MARCHF7: variants seen among roughly 807,000 people sequenced by gnomAD.
The protein encoded by MARCHF7 is E3 ubiquitin-protein ligase MARCHF7.
Under a neutral mutation model 76.5 loss-of-function variants are expected in MARCHF7, and 20 were observed. The observed-to-expected ratio is 0.26, with a 90% CI of 0.18 to 0.38. The LOEUF is 0.38. Ranked by LOEUF, MARCHF7 falls within the 10% of genes least tolerant of loss-of-function variation. MARCHF7 has a pLI of 1.00. For synonymous variants in MARCHF7, 295 were observed against 293.0 expected, an observed-to-expected ratio of 1.01 and a Z score of -0.07; for missense variants, 797 against 812.9, an observed-to-expected ratio of 0.98 and a Z score of 0.24.
intron 9 of MARCHF7, among the ~76,000 whole-genome samples, 177 bp downstream of exon 9, chr2:159,759,512 TTTTTA>T (rs956216676): frequency 7.2e-5 from 11 of 152,286 alleles, no homozygotes; most frequent in African/African-American, 2.6e-4. Flanking sequence ...AATTTTTTTT[TTTTTA>T]TTTTTCCCTT....
At position 159,723,570 on chromosome 2, in the gene MARCHF7, A is replaced by G. The variant is rs188231218; in HGVS notation, c.-14-5439A>G. 1.2e-4 allele frequency among the ~76,000 whole-genome samples: 19 copies of G among 152,170 alleles called. No homozygotes were observed. The East Asian group carries it at 3.7e-3, about 29-fold the overall frequency. ...TAGCTATTTCTTTTAGGACTTACAT[A>G]CTTTCATTTTTCTAAACAGTGTGCT... On this transcript the variant is annotated intron_variant, in intron 3 of 11. Transcript: ENST00000409175.
intron 9 of MARCHF7, among the ~76,000 whole-genome samples, chr2:159,760,957 G>T (rs13401087): frequency 6.6e-6 from 1 of 151,546 alleles, no homozygotes; most frequent in Non-Finnish European, 1.5e-5. Flanking sequence ...CTGATTTTAA[G>T]TGATTAGTTT....
At chr2:159,721,897 G>A (rs564480597) in intron 3 of MARCHF7, among the ~76,000 whole-genome samples, 1 of 152,222 alleles carries the variant, frequency 6.6e-6, no homozygotes, top group East Asian at 1.9e-4. Flanking sequence ...TACAAAATCA[G>A]CCCTGGTGAT....
At position 159,769,009 on chromosome 2, in the gene MARCHF7, C is replaced by T. The variant is rs1708045705; in HGVS notation, c.*1667C>T. The T allele has an allele frequency of 6.6e-6, 1 of 152,076 alleles. No homozygotes were observed. 9.4% of individuals were successfully genotyped at this position (152,076 alleles called of 1,614,324 possible). ...CAGTATTCTTGTAGTTCCCTAGTAC[C>T]ACTTAGTATTTAAATATTGTCATAT... On this transcript the variant is annotated 3_prime_UTR_variant, in exon 12 of 12. Coordinates refer to ENST00000409175, the MANE Select transcript of MARCHF7 (RefSeq NM_001282805.2).
intron 3 of MARCHF7, among the ~76,000 whole-genome samples, chr2:159,728,029 A>G (rs899383477): frequency 1.3e-5 from 2 of 152,230 alleles, no homozygotes; most frequent in African/African-American, 4.8e-5. Context: ...CTGTATGTGT[A>G]GTTTTATAGA....
At chr2:159,765,909 T>C (rs1278767064) in intron 11 of MARCHF7, among the ~76,000 whole-genome samples, 2 of 152,166 alleles carry the variant, frequency 1.3e-5, no homozygotes, top group Non-Finnish European at 2.9e-5. Context: ...GGTCTCTTCT[T>C]TGTTTTTTTA....
Position 159,746,679 on chromosome 2 carries a change from G to A in MARCHF7, c.514+742G>A, listed in dbSNP as rs535506439. ...GCCTCCCAAAGTGTTGAGATTACAG[G>A]TATGAGCCACTGCACACAGCCACAC... On this transcript the variant is annotated intron_variant, in intron 6 of 11. Transcript: ENST00000409175. Among the ~76,000 whole-genome samples, 13 of 152,236 alleles carry A rather than the reference G, an allele frequency of 8.5e-5. No individual in the cohort carries two copies. The East Asian group carries it at 2.3e-3, about 27-fold the overall frequency.
chr2:159,758,459 CAG>C (rs1287736420), intron 8 of MARCHF7, among the ~76,000 whole-genome samples: 1 of 152,194 alleles, frequency 6.6e-6, no homozygotes. Flanking sequence ...TCATTCCAGA[CAG>C]AAACGCTAAC....
Position 159,769,002 on chromosome 2 carries a change from C to G in MARCHF7, c.*1660C>G, listed in dbSNP as rs1039167749. 6.6e-6 allele frequency: 1 copy of G among 152,052 alleles called. No individual in the cohort carries two copies. Among genetic ancestry groups the G allele is most frequent in the African/African-American group, 2.4e-5 (1 of 41,400 alleles). The allele number at this position is 152,052 out of a possible 1,614,324, so 9.4% of individuals were successfully genotyped here. A position where few individuals can be genotyped will look rare whatever the true frequency, so the allele number is the denominator to read the frequency against. ...AGCTTTACAGTATTCTTGTAGTTCCCTAGTACCACTTAGTATTTAAATATT... is the reference window on the plus strand; with the variant it reads ...AGCTTTACAGTATTCTTGTAGTTCCGTAGTACCACTTAGTATTTAAATATT... On this transcript the variant is annotated 3_prime_UTR_variant, in exon 12 of 12. Coordinates refer to ENST00000409175, the MANE Select transcript of MARCHF7 (RefSeq NM_001282805.2).
Position 159,714,568 on chromosome 2 carries a change from T to G in MARCHF7, c.-131T>G, listed in dbSNP as rs920752543. 1.3e-5 allele frequency: 2 copies of G among 152,206 alleles called. No individual in the cohort carries two copies. The highest frequency in any genetic ancestry group is 4.8e-5 in the African/African-American group (2 of 41,442). 9.4% of individuals were successfully genotyped at this position (152,206 alleles called of 1,614,324 possible). A position where few individuals can be genotyped will look rare whatever the true frequency, so the allele number is the denominator to read the frequency against. On this transcript the variant is annotated 5_prime_UTR_variant, in exon 2 of 12. It adds an upstream start codon to the 5' untranslated region. Coordinates refer to ENST00000409175, the MANE Select transcript of MARCHF7 (RefSeq NM_001282805.2). ...ATGGTTTGTTTTAGGAATTCATGAT[T>G]TGTTCCTGTAGCTGAAACATACATT...
chr2:159,756,687 CAAAAAAAAAAA>C (rs869261420), intron 8 of MARCHF7, among the ~76,000 whole-genome samples: 4 of 64,212 alleles, frequency 6.2e-5, no homozygotes, highest in South Asian at 8.3e-4. Flanking sequence ...CACTCAGTCT[CAAAAAAAAAAA>C]AAAAAAAAAA....
chr2:159,731,288 T>C (rs1484623183), intron 4 of MARCHF7, among the ~76,000 whole-genome samples: 1 of 152,226 alleles, frequency 6.6e-6, no homozygotes, highest in African/African-American at 2.4e-5. Context: ...TGATAAATAC[T>C]ATATAAATGT....
At chr2:159,724,238 T>C (rs1031303327) in intron 3 of MARCHF7, among the ~76,000 whole-genome samples, 3 of 152,250 alleles carry the variant, frequency 2.0e-5, no homozygotes, top group Non-Finnish European at 4.4e-5. Flanking sequence ...GCTGTTAAGC[T>C]GTTCTGATTA....
At chr2:159,737,193 T>G (rs1703560036) in intron 4 of MARCHF7, among the ~76,000 whole-genome samples, 1 of 152,142 alleles carries the variant, frequency 6.6e-6, no homozygotes, top group African/African-American at 2.4e-5. Flanking sequence ...TCATAAAAAT[T>G]AAAATTTGTG....
chr2:159,729,730 A>G (rs558259980), intron 4 of MARCHF7, among the ~76,000 whole-genome samples: 1 of 152,086 alleles, frequency 6.6e-6, no homozygotes, highest in South Asian at 2.1e-4. Context: ...AAACATAAGT[A>G]TAAATTTAAC....
intron 3 of MARCHF7, among the ~76,000 whole-genome samples, chr2:159,720,655 T>G (rs1054648143): frequency 6.6e-6 from 1 of 152,200 alleles, no homozygotes; most frequent in Non-Finnish European, 1.5e-5. Flanking sequence ...GAAAAAATAC[T>G]TGTAGAAATA....
Position 159,767,556 on chromosome 2 carries a change from T to C in MARCHF7, c.*214T>C, listed in dbSNP as rs1707944445. 2.4e-6 allele frequency: 1 copy of C among 415,652 alleles called. No homozygotes were observed. Among genetic ancestry groups the C allele is most frequent in the Non-Finnish European group, 4.3e-6 (1 of 234,718 alleles). The allele number at this position is 415,652 out of a possible 1,614,324, so 25.7% of individuals were successfully genotyped here. A position where few individuals can be genotyped will look rare whatever the true frequency, so the allele number is the denominator to read the frequency against. ...GGACTTTTTAACATAGCAAATCCGA[T>C]GTTTATAAACTGGTAATCAAAAAGG... On this transcript the variant is annotated 3_prime_UTR_variant, in exon 12 of 12. Coordinates refer to ENST00000409175, the MANE Select transcript of MARCHF7 (RefSeq NM_001282805.2).
In MARCHF7 at chr2:159,769,197, A is replaced by G. The variant is rs978829942; in HGVS notation, c.*1855A>G. On this transcript the variant is annotated 3_prime_UTR_variant, in exon 12 of 12. Coordinates refer to ENST00000409175, the MANE Select transcript of MARCHF7 (RefSeq NM_001282805.2). ...AAAATGTTATTCTGAATATCTGCCA[A>G]AGAATTATATTGTTATTACTAGCTA... The G allele has an allele frequency of 7.2e-5, 11 of 152,230 alleles. No individual in the cohort carries two copies. The highest frequency in any genetic ancestry group is 1.4e-4 in the African/African-American group (6 of 41,458). The allele number at this position is 152,230 out of a possible 1,614,324, so 9.4% of individuals were successfully genotyped here.
rs1311588891 is a variant in MARCHF7, at chr2:159,744,009, A to C, written c.346+756A>C. On this transcript the variant is annotated intron_variant, in intron 5 of 11. Coordinates refer to ENST00000409175, the MANE Select transcript of MARCHF7 (RefSeq NM_001282805.2). The stretch of plus-strand genomic sequence containing the variant: ...TTTTTTTTTTTTTTTTTTTTTGGAG[A>C]CGGAGTCTCGCTCTGTCGCCCAGGC... Among the ~76,000 whole-genome samples the C allele has an allele frequency of 2.1e-4, 12 of 56,220 alleles. No individual in the cohort carries two copies. The East Asian group carries it at 3.2e-3, about 15-fold the overall frequency. 36.9% of individuals were successfully genotyped at this position (56,220 alleles called of 152,430 possible). A position where few individuals can be genotyped will look rare whatever the true frequency, so the allele number is the denominator to read the frequency against.
Sources: allele counts gnomAD v4.1 joint callset (sites outside exome capture counted in the v4.1 genomes callset), GRCh38; gene constraint gnomAD v4.1.1; transcripts MANE v1.5; gene names NCBI Gene and HGNC (gene_info 2026-07-23, HGNC 2026-07-21).